The following KCTD20 variants were observed in gnomAD, a reference collection of about 807,000 sequenced individuals.
KCTD20 encodes BTB/POZ domain-containing protein KCTD20.
Under a neutral mutation model 39.6 loss-of-function variants are expected in KCTD20, and 30 were observed. That is an observed-to-expected ratio of 0.76 (90% CI 0.57 to 1.03). KCTD20 has a LOEUF of 1.03. KCTD20 is among the 50% of genes least tolerant of loss of function. The probability of loss-of-function intolerance (pLI) is 0.00; values close to 1 mark genes in which losing one functional copy is unlikely to be tolerated. For synonymous variants in KCTD20, 162 were observed against 180.6 expected (o/e 0.90, Z 0.83); for missense variants, 422 against 522.0 (o/e 0.81, Z 1.87).
intron 1 of KCTD20, among the ~76,000 whole-genome samples, chr6:36,456,954 T>G (rs569101278): frequency 6.6e-6 from 1 of 152,298 alleles, no homozygotes; most frequent in African/African-American, 2.4e-5. Context: ...TATGCCACCA[T>G]GCCTGGCTAA....
intron 1 of KCTD20, among the ~76,000 whole-genome samples, chr6:36,448,423 T>C (rs1327325406): frequency 6.6e-6 from 1 of 152,236 alleles, no homozygotes; most frequent in African/African-American, 2.4e-5. Flanking sequence ...TATGTGAAGA[T>C]CACAGTACAT....
At position 36,456,521 on chromosome 6, in the gene KCTD20, C is replaced by T. The variant is rs554940422; in HGVS notation, c.-47+13410C>T. The stretch of plus-strand genomic sequence containing the variant: ...CTCGAACTCCTGACCTTAGATGATC[C>T]GCCCACCTTGGCCTCCCAGAGTGTT... On this transcript the variant is annotated intron_variant, in intron 1 of 7. Transcript: ENST00000373731. 5.9e-5 allele frequency among the ~76,000 whole-genome samples: 9 copies of T among 151,430 alleles called. 1 individual carries two copies. In the South Asian group the frequency reaches 1.0e-3, roughly 18 times the overall value.
At chr6:36,473,754 C>T (rs1245871518) in intron 2 of KCTD20, among the ~76,000 whole-genome samples, 3 of 151,704 alleles carry the variant, frequency 2.0e-5, no homozygotes, top group African/African-American at 7.3e-5. Context: ...GCCTGGGCGA[C>T]AGTGTGAGAC....
chr6:36,465,006 C>A (rs1042009353), intron 1 of KCTD20, among the ~76,000 whole-genome samples: 1 of 152,024 alleles, frequency 6.6e-6, no homozygotes, highest in African/African-American at 2.4e-5. Context: ...CATGTCCTTG[C>A]ACTATTAACG....
At chr6:36,486,338 T>G (rs116274380) in intron 7 of KCTD20, among the ~76,000 whole-genome samples, 3 of 152,354 alleles carry the variant, frequency 2.0e-5, no homozygotes, top group Non-Finnish European at 2.9e-5. Flanking sequence ...ACATATTTAA[T>G]AGATAACGGC....
intron 1 of KCTD20, among the ~76,000 whole-genome samples, chr6:36,456,506 T>C (rs1159274581): frequency 6.6e-6 from 1 of 151,328 alleles, no homozygotes; most frequent in Non-Finnish European, 1.5e-5. Flanking sequence ...CTCGAACTCC[T>C]GACCTTAGAT....
chr6:36,449,582 CT>C (rs1775174045), intron 1 of KCTD20, among the ~76,000 whole-genome samples: 15 of 152,174 alleles, frequency 9.9e-5, no homozygotes, highest in Admixed American at 8.5e-4. Flanking sequence ...CAGAAAAGTT[CT>C]CCAATTGCGT....
At chr6:36,470,449 T>C (rs1398337142) in intron 2 of KCTD20, among the ~76,000 whole-genome samples, 192 bp downstream of exon 2, 1 of 152,184 alleles carries the variant, frequency 6.6e-6, no homozygotes, top group Non-Finnish European at 1.5e-5. Context: ...ACATCTAATA[T>C]GGTGATAATG....
intron 1 of KCTD20, among the ~76,000 whole-genome samples, chr6:36,465,386 TG>T (rs1037070238): frequency 2.7e-5 from 4 of 150,606 alleles, no homozygotes; most frequent in Admixed American, 6.6e-5. Context: ...AGTTTTTTTT[TG>T]TTTTTTTTTT....
chr6:36,465,749 G>T (rs1244236549), intron 1 of KCTD20: 2 of 152,096 alleles, frequency 1.3e-5, no homozygotes, highest in Non-Finnish European at 2.9e-5. Context: ...GGAGGCCTGT[G>T]AAATAAATAA....
intron 1 of KCTD20, among the ~76,000 whole-genome samples, chr6:36,458,296 T>G (rs1311527285): frequency 6.6e-6 from 1 of 151,756 alleles, no homozygotes; most frequent in Non-Finnish European, 1.5e-5. Context: ...CCAGCATTTT[T>G]GGGAGGCCGA....
intron 1 of KCTD20, among the ~76,000 whole-genome samples, chr6:36,465,403 A>G (rs1394970010): frequency 6.8e-6 from 1 of 147,142 alleles, no homozygotes; most frequent in Non-Finnish European, 1.5e-5. Flanking sequence ...TTTTTTTTTA[A>G]TCTGAGTAGT....
At chr6:36,463,060 C>A (rs1452343815) in intron 1 of KCTD20, among the ~76,000 whole-genome samples, 1 of 152,160 alleles carries the variant, frequency 6.6e-6, no homozygotes, top group Non-Finnish European at 1.5e-5. Context: ...CATGGTCTTC[C>A]CTGGAATTGT....
intron 1 of KCTD20, among the ~76,000 whole-genome samples, chr6:36,468,046 G>A (rs1452441312): frequency 2.0e-5 from 3 of 152,070 alleles, no homozygotes; most frequent in African/African-American, 7.2e-5. Flanking sequence ...GAAATGACTG[G>A]GATTAGGAAT....
At chr6:36,473,066 A>ATTT (rs147838259) in intron 2 of KCTD20, among the ~76,000 whole-genome samples, 1 of 141,218 alleles carries the variant, frequency 7.1e-6, no homozygotes, top group Non-Finnish European at 1.6e-5. Flanking sequence ...CTTCTGGCTA[A>ATTT]TTTTTTTTTT....
intron 1 of KCTD20, among the ~76,000 whole-genome samples, chr6:36,444,204 GTT>G (rs1774966864): frequency 1.4e-4 from 21 of 152,178 alleles, no homozygotes; most frequent in Admixed American, 6.5e-5. Context: ...CTCTTGGTCT[GTT>G]ACTGATGATC....
intron 6 of KCTD20, among the ~76,000 whole-genome samples, chr6:36,483,225 G>A (rs1303989745): frequency 1.4e-5 from 2 of 144,352 alleles, no homozygotes; most frequent in Non-Finnish European, 3.0e-5. Context: ...TACATGACAG[G>A]TTTGTTTCCT....
rs777863461 is a variant in KCTD20, at chr6:36,474,821, A to G, written c.193A>G (p.Asn65Asp). Reference sequence around the variant, plus strand: ...ACTTGACTATGCCTCTCAGCCAGCAAATCTTCAGTTCCCTCACATAATGCC... The same window carrying G: ...ACTTGACTATGCCTCTCAGCCAGCAGATCTTCAGTTCCCTCACATAATGCC... ...LSLDYASQPA[N>D]LQFPHIMPLA... is the part of the protein sequence containing the mutation. The change falls in exon 3 of 8, where the codon AAT (asparagine) becomes GAT (aspartate). Residue 65 changes from asparagine to aspartate, a missense_variant. Asn to Asp is a conservative substitution (Grantham distance 23). Transcript: ENST00000373731. 6.2e-7 allele frequency: 1 copy of G among 1,612,364 alleles called. No individual in the cohort carries two copies. The highest frequency in any genetic ancestry group is 8.5e-7 in the Non-Finnish European group (1 of 1,178,718).
chr6:36,482,763 T>C (rs1001058694), intron 6 of KCTD20, among the ~76,000 whole-genome samples: 4 of 151,752 alleles, frequency 2.6e-5, no homozygotes, highest in African/African-American at 9.7e-5. Context: ...CTTGCCAATA[T>C]AGTGAAACCC....
Sources: gnomAD v4.1 joint callset for allele counts (sites outside exome capture counted in the v4.1 genomes callset) on GRCh38, gnomAD v4.1.1 for gene constraint, MANE v1.5 for transcripts, NCBI Gene and HGNC (gene_info 2026-07-23, HGNC 2026-07-21) for gene names.